FBN1: variants seen among roughly 807,000 people sequenced by gnomAD.
FBN1 encodes fibrillin 1, also known as fibrillin-1.
In FBN1, 29 loss-of-function variants were observed where a neutral mutation model predicts 365.1. The observed-to-expected ratio is 0.08, with a 90% CI of 0.06 to 0.11. FBN1 has a LOEUF of 0.11. FBN1 is among the 10% of genes least tolerant of loss of function. The pLI, the probability that FBN1 is intolerant of heterozygous loss-of-function variation, is 1.00. For synonymous variants in FBN1, 1,210 were observed against 1,270.5 expected, an observed-to-expected ratio of 0.95 and a Z score of 1.01; for missense variants, 2,476 against 3,703.2, an observed-to-expected ratio of 0.67 and a Z score of 8.60.
At chr15:48,441,916 T>C (rs2141245655) in intron 49 of FBN1, 70 bp from the exon 50 acceptor site, 1 of 1,550,136 alleles carries the variant, frequency 6.5e-7, no homozygotes, top group South Asian at 1.1e-5. Context: ...AAACACACAA[T>C]GTGGACACAC....
chr15:48,500,387 A>G (rs2141310934), intron 17 of FBN1, among the ~76,000 whole-genome samples: 1 of 152,332 alleles, frequency 6.6e-6, no homozygotes, highest in South Asian at 2.1e-4. Flanking sequence ...AGTTCAAATA[A>G]GCATGGGTTT....
rs568625812 is a variant in FBN1 at position 48,483,916 on chromosome 15, T to C, written c.3740A>G (p.Asn1247Ser). ...TGTGCACTGACCACCATCACAGATA[T>C]TGGGATTATCTTCACACTCATCGAT... ...TDIDECEDNP[N>S]ICDGGQCTNI... The change falls in exon 31 of 66, where the codon AAT becomes AGT. Residue 1247 changes from asparagine (N) to serine (S), a missense_variant. Coordinates refer to ENST00000316623, the MANE Select transcript of FBN1 (RefSeq NM_000138.5). 1.2e-6 allele frequency: 2 copies of C among 1,613,442 alleles called. No individual in the cohort carries two copies. The highest frequency in any genetic ancestry group is 1.7e-5 in the Admixed American group (1 of 60,018).
intron 6 of FBN1, among the ~76,000 whole-genome samples, chr15:48,568,917 G>C (rs1224782969): frequency 6.6e-6 from 1 of 151,976 alleles, no homozygotes; most frequent in Non-Finnish European, 1.5e-5. Context: ...AAAATTTTAA[G>C]ATCTTGGGTA....
chr15:48,496,289 C>T (rs925892566), intron 19 of FBN1, 64 bp from the exon 20 acceptor site: 2 of 1,601,500 alleles, frequency 1.2e-6, no homozygotes, highest in Non-Finnish European at 1.7e-6. Context: ...CTACTTTGCT[C>T]TTTTACATTA....
At chr15:48,542,347 C>A (rs539291558) in intron 6 of FBN1, among the ~76,000 whole-genome samples, 1 of 152,122 alleles carries the variant, frequency 6.6e-6, no homozygotes, top group African/African-American at 2.4e-5. Context: ...ATTTTAAATC[C>A]TTCTTTTCAT....
rs1489658969 is a variant in FBN1 at position 48,503,833 on chromosome 15, C to T, written c.2067G>A (p.Glu689=). 1.2e-6 allele frequency: 2 copies of T among 1,614,050 alleles called. No homozygotes were observed. Among genetic ancestry groups the T allele is most frequent in the African/African-American group, 1.3e-5 (1 of 74,928 alleles). Residue 689 remains glutamate (E), a synonymous_variant, in exon 17 of 66, where the codon GAG becomes GAA. Transcript: ENST00000316623. The part of the protein sequence containing the change: ...TKSECCCAST[E]YAFGEPCQPC... ...GCTGGCAAGGTTCCCCAAATGCATA[C>T]TCAGTGCTGGCGCAACAGCATTCAG...
chr15:48,585,510 G>A (rs2044429090), intron 6 of FBN1, among the ~76,000 whole-genome samples: 1 of 152,132 alleles, frequency 6.6e-6, no homozygotes, highest in African/African-American at 2.4e-5. Flanking sequence ...TGTCCAGAAT[G>A]TCTTTTCTTA....
At chr15:48,591,057 G>C (rs754982916) in intron 6 of FBN1, among the ~76,000 whole-genome samples, 23 of 152,166 alleles carry the variant, frequency 1.5e-4, no homozygotes, top group Non-Finnish European at 1.0e-4. Context: ...AAAACTTCTT[G>C]CTATTTGCAT....
chr15:48,418,533 C>T (rs1342133244), intron 63 of FBN1, among the ~76,000 whole-genome samples: 2 of 152,160 alleles, frequency 1.3e-5, no homozygotes, highest in African/African-American at 4.8e-5. Flanking sequence ...TGCACTCGCC[C>T]TTTTTATCAA....
intron 32 of FBN1, 108 bp from the exon 33 acceptor site, chr15:48,474,758 A>C: frequency 7.1e-7 from 1 of 1,410,934 alleles, no homozygotes; most frequent in Non-Finnish European, 9.9e-7. Context: ...CCCATGGTAT[A>C]GTATAGACTG....
chr15:48,495,200 T>C lies in FBN1; in HGVS notation c.2600A>G (p.Asn867Ser), dbSNP rs145464311. 74 of 1,614,078 alleles carry C rather than the reference T, an allele frequency of 4.6e-5. No homozygotes were observed. Among genetic ancestry groups the C allele is most frequent in the East Asian group, 1.6e-4 (7 of 44,892 alleles). ...GCACTGGGACTTTAAGGTGGCTCCA[T>C]TGATGTTGATCTCACATCGCCCATC... ...VIDGRCEINI[N>S]GATLKSQCCS... The change falls in exon 22 of 66, where the codon AAT becomes AGT. Residue 867 changes from asparagine (N) to serine (S), a missense_variant. Asn to Ser is a conservative substitution (Grantham distance 46). Around this residue, in one of 5 missense-constraint regions of FBN1, gnomAD observed 1,780 missense variants for 2,840.8 expected, o/e 0.63. Transcript: ENST00000316623.
intron 54 of FBN1, 23 bp downstream of exon 54, chr15:48,434,571 T>C (rs1349692291): frequency 6.2e-7 from 1 of 1,613,356 alleles, no homozygotes; most frequent in East Asian, 2.2e-5. Context: ...CGTAATCAAC[T>C]GTTCTCTGTT....
intron 50 of FBN1, 147 bp downstream of exon 50, chr15:48,441,574 A>T: frequency 1.0e-6 from 1 of 1,002,054 alleles, no homozygotes; most frequent in Non-Finnish European, 1.6e-6. Context: ...GAACCTTCTG[A>T]CATATGGTTA....
intron 6 of FBN1, among the ~76,000 whole-genome samples, chr15:48,559,958 C>G (rs775611575): frequency 6.6e-6 from 1 of 152,052 alleles, no homozygotes; most frequent in Non-Finnish European, 1.5e-5. Context: ...GAAGGCAAAA[C>G]GAAGTAACAG....
chr15:48,563,390 G>A (rs1406800754), intron 6 of FBN1, among the ~76,000 whole-genome samples: 1 of 151,982 alleles, frequency 6.6e-6, no homozygotes, highest in African/African-American at 2.4e-5. Context: ...GAAGGAGATT[G>A]CCTCTTGTAA....
In FBN1 at chr15:48,490,147, C is replaced by T. The variant is rs535379445; in HGVS notation, c.2855-69G>A. On this transcript the variant is annotated intron_variant, in intron 24 of 65. Coordinates refer to ENST00000316623, the MANE Select transcript of FBN1 (RefSeq NM_000138.5). ...TCCACTGCCCCAAACTGCCAACACTCTGTTAGGTAAAATACTGCACACATA... is the reference window on the plus strand; with the variant it reads ...TCCACTGCCCCAAACTGCCAACACTTTGTTAGGTAAAATACTGCACACATA... 5.4e-6 allele frequency: 7 copies of T among 1,294,334 alleles called. No homozygotes were observed. The African/African-American group carries it at 1.0e-4, about 19-fold the overall frequency. The allele number at this position is 1,294,334 out of a possible 1,614,324, so 80.2% of individuals were successfully genotyped here.
intron 32 of FBN1, among the ~76,000 whole-genome samples, chr15:48,475,191 G>A (rs1195009582): frequency 2.6e-5 from 4 of 152,004 alleles, no homozygotes; most frequent in Non-Finnish European, 5.9e-5. Context: ...TTTAGGTATT[G>A]CTAATTTAAG....
intron 6 of FBN1, among the ~76,000 whole-genome samples, chr15:48,580,399 C>T (rs1489006338): frequency 2.0e-5 from 3 of 152,260 alleles, no homozygotes; most frequent in South Asian, 2.1e-4. Flanking sequence ...AGAAACTCTA[C>T]GTTATATCCC....
At chr15:48,420,599 A>G (rs972466831) in intron 63 of FBN1, 88 bp downstream of exon 63, 1 of 1,549,298 alleles carries the variant, frequency 6.5e-7, no homozygotes, top group Non-Finnish European at 8.9e-7. Flanking sequence ...TGCTTCAATA[A>G]CACATTTACA....
Sources: gnomAD v4.1 joint callset for allele counts (sites outside exome capture counted in the v4.1 genomes callset) on GRCh38, gnomAD v4.1.1 for gene constraint, gnomAD v4.1.1 regional missense constraint, MANE v1.5 for transcripts, NCBI Gene and HGNC (gene_info 2026-07-23, HGNC 2026-07-21) for gene names.